The following CAMTA1 variants were observed in gnomAD, a reference collection of about 807,000 sequenced individuals.
CAMTA1 encodes calmodulin-binding transcription activator 1.
Under a neutral mutation model 170.9 loss-of-function variants are expected in CAMTA1, and 27 were observed. That is an observed-to-expected ratio of 0.16 (90% confidence interval 0.12 to 0.22). CAMTA1 has a LOEUF of 0.22. Among genes scored for constraint, CAMTA1 ranks in the 10% least tolerant of loss-of-function variants. The pLI is 1.00. For missense variants in CAMTA1, 1,619 were observed against 2,217.2 expected (o/e 0.73, Z 5.42); for synonymous variants, 833 against 891.5 (o/e 0.93, Z 1.17).
At chr1:7,744,715 G>T in intron 16 of CAMTA1, 120 bp from the exon 17 acceptor site, 1 of 742,532 alleles carries the variant, frequency 1.3e-6, no homozygotes, top group Non-Finnish European at 2.2e-6. Flanking sequence ...TTGGATTGAG[G>T]TGGAAGTCTG....
intron 6 of CAMTA1, among the ~76,000 whole-genome samples, chr1:7,498,710 C>T (rs1394273052): frequency 2.0e-5 from 3 of 151,664 alleles, no homozygotes; most frequent in African/African-American, 7.3e-5. Context: ...TGTGTGTGCA[C>T]ATGGGTGTAC....
In CAMTA1 at chr1:6,968,186, G is replaced by A. The variant is rs1404725401; in HGVS notation, c.235-123118G>A. Reference sequence around the variant, plus strand: ...CTCAGGAGCAGTCGGCTGTCCGCTTGGTGTGCCGAGAAAACGGCTCTTAAT... The same window carrying A: ...CTCAGGAGCAGTCGGCTGTCCGCTTAGTGTGCCGAGAAAACGGCTCTTAAT... On this transcript the variant is annotated intron_variant, in intron 3 of 22. Transcript: ENST00000303635. Among the ~76,000 whole-genome samples, 3 of 152,128 alleles carry A rather than the reference G, an allele frequency of 2.0e-5. No homozygotes were observed. In the East Asian group the frequency reaches 5.8e-4, roughly 29 times the overall value.
chr1:7,196,020 G>GA (rs899021481), intron 4 of CAMTA1, among the ~76,000 whole-genome samples: 21 of 148,916 alleles, frequency 1.4e-4, no homozygotes, highest in East Asian at 3.9e-4. Flanking sequence ...CTGTCTCAAA[G>GA]AAAAAAAAAA....
At chr1:7,006,027 A>T (rs1444537978) in intron 3 of CAMTA1, among the ~76,000 whole-genome samples, 1 of 152,130 alleles carries the variant, frequency 6.6e-6, no homozygotes, top group Non-Finnish European at 1.5e-5. Context: ...GGAAGGTAGC[A>T]TTGGGTGTGG....
At position 7,052,401 on chromosome 1, in the gene CAMTA1, C is replaced by T. The variant is rs1056181024; in HGVS notation, c.235-38903C>T. Among the ~76,000 whole-genome samples the T allele has an allele frequency of 4.6e-5, 7 of 152,268 alleles. No individual in the cohort carries two copies. In the South Asian group the frequency reaches 1.5e-3, roughly 32 times the overall value. On this transcript the variant is annotated intron_variant, in intron 3 of 22. Transcript: ENST00000303635. ...TCTCTGTGGCTTCCTGCTTTACCAT[C>T]TCAGGTTCCAGAAGCCCATTCAGAC...
chr1:6,827,188 CGT>C (rs1377600593), intron 3 of CAMTA1, among the ~76,000 whole-genome samples: 3 of 152,150 alleles, frequency 2.0e-5, no homozygotes, highest in Non-Finnish European at 2.9e-5. Flanking sequence ...GATGGGAAAA[CGT>C]GGATTGTTTT....
At chr1:7,651,095 G>A (rs1418418108) in intron 7 of CAMTA1, among the ~76,000 whole-genome samples, 4 of 152,184 alleles carry the variant, frequency 2.6e-5, no homozygotes, top group Non-Finnish European at 4.4e-5. Flanking sequence ...GGTTGCTGGA[G>A]AGCAACCCAG....
At chr1:6,995,452 C>T (rs535158059) in intron 3 of CAMTA1, among the ~76,000 whole-genome samples, 8 of 151,790 alleles carry the variant, frequency 5.3e-5, no homozygotes, top group Non-Finnish European at 7.4e-5. Context: ...TACAGACCTG[C>T]GCCACCACGC....
chr1:7,431,611 C>T (rs979491420), intron 5 of CAMTA1, among the ~76,000 whole-genome samples: 4 of 152,166 alleles, frequency 2.6e-5, no homozygotes, highest in Admixed American at 6.5e-5. Context: ...TTGGGGTGGG[C>T]GCCAGGCAGT....
chr1:6,926,599 T>C (rs1402567445), intron 3 of CAMTA1, among the ~76,000 whole-genome samples: 1 of 133,726 alleles, frequency 7.5e-6, no homozygotes, highest in African/African-American at 2.8e-5. Flanking sequence ...TTTCCTTTCC[T>C]CTCTCTCTCA....
chr1:6,809,029 C>CT (rs397979031), intron 1 of CAMTA1, among the ~76,000 whole-genome samples: 7,250 of 141,292 alleles, frequency 0.051, 496 homozygotes, highest in Admixed American at 0.21. Flanking sequence ...TCTTCTTTTT[C>CT]TTTTTTTTTT....
chr1:7,320,648 T>TG (rs1460080324), intron 5 of CAMTA1, among the ~76,000 whole-genome samples: 5 of 114,682 alleles, frequency 4.4e-5, no homozygotes, highest in African/African-American at 6.2e-5. Context: ...GTGCTGTGTG[T>TG]GTTTTTTTTT....
At chr1:7,703,845 G>A (rs1178672495) in intron 11 of CAMTA1, among the ~76,000 whole-genome samples, 5 of 152,188 alleles carry the variant, frequency 3.3e-5, no homozygotes, top group Non-Finnish European at 2.9e-5. Flanking sequence ...CGATTAAGAG[G>A]TGCGGCTCGG....
rs1345522998 is a variant in CAMTA1, at chr1:6,802,781, C to T, written c.45+17206C>T. 4.6e-5 allele frequency among the ~76,000 whole-genome samples: 7 copies of T among 151,946 alleles called. 1 individual carries two copies. In the Middle Eastern group the frequency reaches 0.02, roughly 443 times the overall value. Reference sequence around the variant, plus strand: ...ACAAGGTCTTATTCTGTCGCCCAGGCTGGAGTGCAGTAGCACAATTTCAGC... The same window carrying T: ...ACAAGGTCTTATTCTGTCGCCCAGGTTGGAGTGCAGTAGCACAATTTCAGC... On this transcript the variant is annotated intron_variant, in intron 1 of 22. Coordinates refer to ENST00000303635, the MANE Select transcript of CAMTA1 (RefSeq NM_015215.4).
intron 8 of CAMTA1, 92 bp from the exon 9 acceptor site, chr1:7,663,261 G>A (rs1025124477): frequency 6.4e-5 from 93 of 1,460,650 alleles, no homozygotes; most frequent in Non-Finnish European, 8.1e-5. Flanking sequence ...GGTCCACCAC[G>A]GTCCTAGCTC....
intron 5 of CAMTA1, among the ~76,000 whole-genome samples, chr1:7,296,014 T>C (rs1673882617): frequency 6.6e-6 from 1 of 152,208 alleles, no homozygotes; most frequent in Non-Finnish European, 1.5e-5. Context: ...CAAAATCCAC[T>C]TCTAAACTCG....
chr1:7,559,742 T>C (rs72643920), intron 6 of CAMTA1, among the ~76,000 whole-genome samples: 19,303 of 152,006 alleles, frequency 0.13, 1,385 homozygotes, highest in African/African-American at 0.18. Flanking sequence ...GCATCCTCAC[T>C]GAATCAGGAT....
intron 3 of CAMTA1, among the ~76,000 whole-genome samples, chr1:6,838,120 GA>G (rs1388378001): frequency 6.6e-6 from 1 of 152,114 alleles, no homozygotes; most frequent in South Asian, 2.1e-4. Context: ...AATGAGTAAA[GA>G]CTTCTGTCAA....
intron 3 of CAMTA1, among the ~76,000 whole-genome samples, chr1:7,048,542 C>T (rs1014348836): frequency 4.6e-5 from 7 of 152,166 alleles, no homozygotes; most frequent in South Asian, 2.1e-4. Context: ...AGCCTTTGCC[C>T]GGAGAGATTC....
Sources: gnomAD v4.1 joint callset for allele counts (sites outside exome capture counted in the v4.1 genomes callset) on GRCh38, gnomAD v4.1.1 for gene constraint, MANE v1.5 for transcripts, NCBI Gene and HGNC (gene_info 2026-07-23, HGNC 2026-07-21) for gene names.